SMARCA2: variants seen among roughly 807,000 people sequenced by gnomAD.
SMARCA2 encodes the protein SWI/SNF related BAF chromatin remodeling complex subunit ATPase 2, also known as SWI/SNF-related matrix-associated actin-dependent regulator of chromatin subfamily A member 2.
In SMARCA2, 61 loss-of-function variants were observed where a neutral mutation model predicts 199.8. The ratio of observed to expected loss-of-function variants is 0.31; its 90% confidence interval spans 0.25 to 0.38. SMARCA2 has a LOEUF of 0.38. Among genes scored for constraint, SMARCA2 ranks in the 10% least tolerant of loss-of-function variants. SMARCA2 has a pLI of 1.00. For missense variants in SMARCA2, 1,344 were observed against 2,012.2 expected (o/e 0.67, Z 6.35); for synonymous variants, 935 against 732.0 (o/e 1.28, Z -4.48).
rs1398135214 is a variant in SMARCA2, at chr9:2,110,684, C to A, written c.3456+267C>A. 6.6e-6 allele frequency among the ~76,000 whole-genome samples: 1 copy of A among 152,164 alleles called. No homozygotes were observed. Among genetic ancestry groups the A allele is most frequent in the African/African-American group, 2.4e-5 (1 of 41,434 alleles). ...CCCATCTCTTGGGATTGCCATTGAA[C>A]AAAGTATATTTAATGAGGGATAAGT... On this transcript the variant is annotated intron_variant, in intron 24 of 33. Coordinates refer to ENST00000349721, the MANE Select transcript of SMARCA2 (RefSeq NM_003070.5). This position sits in a 1 kb window ranked among gnomAD's most constrained non-coding sequence, Gnocchi z 4.8.
intron 3 of SMARCA2, among the ~76,000 whole-genome samples, chr9:2,034,785 C>T (rs1216149077): frequency 6.6e-6 from 1 of 152,048 alleles, no homozygotes; most frequent in Non-Finnish European, 1.5e-5. Context: ...TTTGAACATC[C>T]CAGACTCTTA....
At chr9:2,036,649 A>G (rs1819348725) in intron 3 of SMARCA2, among the ~76,000 whole-genome samples, 1 of 152,260 alleles carries the variant, frequency 6.6e-6, no homozygotes, top group Non-Finnish European at 1.5e-5. Context: ...GATTCTTCTC[A>G]CTTTCATTTT....
At chr9:2,150,832 T>C (rs1825025120) in intron 27 of SMARCA2, among the ~76,000 whole-genome samples, 1 of 151,536 alleles carries the variant, frequency 6.6e-6, no homozygotes. Flanking sequence ...CCCCTTGGCT[T>C]GTAAATGGCT....
rs1385198750 is a variant in SMARCA2 at position 2,119,652 on chromosome 9, T to G, written c.3762+117T>G. The G allele has an allele frequency of 2.9e-6, 2 of 681,962 alleles. No individual in the cohort carries two copies. Among genetic ancestry groups the G allele is most frequent in the Non-Finnish European group, 2.6e-6 (1 of 384,684 alleles). The allele number at this position is 681,962 out of a possible 1,614,324, so 42.2% of individuals were successfully genotyped here. ...AACTTCATACGTAAAGCCTATGCCT[T>G]TCCTTCAGTTCAGAGGCTGCAAACT... On this transcript the variant is annotated intron_variant, in intron 26 of 33. Coordinates refer to ENST00000349721, the MANE Select transcript of SMARCA2 (RefSeq NM_003070.5). The surrounding 1 kb of genome is among the most constrained non-coding windows in gnomAD (Gnocchi z 4.6).
chr9:2,112,374 A>G (rs540753299), intron 24 of SMARCA2, among the ~76,000 whole-genome samples: 58 of 152,296 alleles, frequency 3.8e-4, no homozygotes, highest in African/African-American at 1.3e-3. Context: ...TCACTGGCAC[A>G]GTATACAGTA....
At chr9:2,071,437 A>C (rs1044611513) in intron 10 of SMARCA2, among the ~76,000 whole-genome samples, 15 of 152,198 alleles carry the variant, frequency 9.9e-5, no homozygotes, top group Non-Finnish European at 2.2e-4. Context: ...TAATTTGCAA[A>C]AGCCCAGCCT....
chr9:2,139,361 G>A (rs1053380849), intron 27 of SMARCA2, among the ~76,000 whole-genome samples: 5 of 152,032 alleles, frequency 3.3e-5, no homozygotes, highest in African/African-American at 1.2e-4. Context: ...TGATTGGTTT[G>A]GGATGCAGTT....
intron 14 of SMARCA2, among the ~76,000 whole-genome samples, chr9:2,079,735 C>A (rs544666456): frequency 2.0e-5 from 3 of 152,282 alleles, no homozygotes; most frequent in African/African-American, 7.2e-5. Flanking sequence ...CTTGTTTGGC[C>A]TACCTGACAT....
chr9:2,027,032 CT>C (rs1488203026), intron 1 of SMARCA2, among the ~76,000 whole-genome samples: 1 of 152,190 alleles, frequency 6.6e-6, no homozygotes, highest in Non-Finnish European at 1.5e-5. Flanking sequence ...CCTTTGACTG[CT>C]TCCTGTTTCA....
At chr9:2,127,645 G>C (rs1337125609) in intron 27 of SMARCA2, among the ~76,000 whole-genome samples, 1 of 152,200 alleles carries the variant, frequency 6.6e-6, no homozygotes, top group East Asian at 1.9e-4. Context: ...CCATTGGCTA[G>C]AACTTGGTTA....
At chr9:2,132,670 C>A (rs535817332) in intron 27 of SMARCA2, among the ~76,000 whole-genome samples, 1 of 152,236 alleles carries the variant, frequency 6.6e-6, no homozygotes, top group African/African-American at 2.4e-5. Flanking sequence ...AGCTGCATTT[C>A]CGTTTTTATA....
At chr9:2,177,871 A>G (rs1826726290) in intron 29 of SMARCA2, among the ~76,000 whole-genome samples, 1 of 152,228 alleles carries the variant, frequency 6.6e-6, no homozygotes, top group Non-Finnish European at 1.5e-5. Context: ...TTTCTTAACT[A>G]GCATATCAGC....
intron 27 of SMARCA2, among the ~76,000 whole-genome samples, chr9:2,129,956 C>G (rs545595185): frequency 1.3e-5 from 2 of 152,254 alleles, no homozygotes; most frequent in African/African-American, 4.8e-5. Context: ...CAGACTCAAG[C>G]AATCCTCCTA....
At chr9:2,043,437 A>G (rs930346450) in intron 4 of SMARCA2, 3 of 152,134 alleles carry the variant, frequency 2.0e-5, no homozygotes, top group Non-Finnish European at 2.9e-5. Context: ...TTTTCTTTTC[A>G]TTTTGATTCA....
At chr9:2,145,193 C>G (rs538636043) in intron 27 of SMARCA2, among the ~76,000 whole-genome samples, 1 of 151,744 alleles carries the variant, frequency 6.6e-6, no homozygotes, top group Admixed American at 6.6e-5. Flanking sequence ...CTCTGAGCTA[C>G]TTGGGAGGCT....
intron 27 of SMARCA2, among the ~76,000 whole-genome samples, chr9:2,156,983 G>T (rs1244899653): frequency 1.3e-5 from 2 of 152,046 alleles, no homozygotes; most frequent in African/African-American, 2.4e-5. Context: ...TTGATTTTAT[G>T]TCAGTTTTTC....
At chr9:2,046,501 A>C (rs1209325199) in intron 4 of SMARCA2, among the ~76,000 whole-genome samples, 1 of 152,210 alleles carries the variant, frequency 6.6e-6, no homozygotes, top group Non-Finnish European at 1.5e-5. Flanking sequence ...AATATGTAGT[A>C]AGAAAAAATT....
rs1300261154 is a variant in SMARCA2, at chr9:2,100,561, G to T, written c.3079-1009G>T. On this transcript the variant is annotated intron_variant, in intron 21 of 33. Coordinates refer to ENST00000349721, the MANE Select transcript of SMARCA2 (RefSeq NM_003070.5). ...TACTAAAAATACAGAAAATTAGCCA[G>T]GCATAGTGGCACATGCTGTAGTCCC... Among the ~76,000 whole-genome samples the T allele has an allele frequency of 2.6e-5, 4 of 152,110 alleles. No homozygotes were observed. In the East Asian group the frequency reaches 7.7e-4, roughly 29 times the overall value.
intron 28 of SMARCA2, among the ~76,000 whole-genome samples, chr9:2,163,305 T>G (rs1393272246): frequency 2.6e-5 from 4 of 152,236 alleles, no homozygotes; most frequent in Non-Finnish European, 5.9e-5. Context: ...GTTCATCCCC[T>G]TTAAGGCTTC....
Sources: allele counts gnomAD v4.1 joint callset (sites outside exome capture counted in the v4.1 genomes callset), GRCh38; gene constraint gnomAD v4.1.1; non-coding constraint Gnocchi (gnomAD v3.1); transcripts MANE v1.5; gene names NCBI Gene and HGNC (gene_info 2026-07-23, HGNC 2026-07-21).